Variants in ARG2 observed in about 807,000 individuals in gnomAD.
ARG2 encodes arginase-2, mitochondrial.
ARG2 carries 21 observed loss-of-function variants against 39.4 expected under a neutral mutation model. The observed-to-expected ratio is 0.53, with a 90% CI of 0.38 to 0.77. The LOEUF (loss-of-function observed/expected upper bound fraction) is 0.77, where lower values mean the gene tolerates loss of function less well. Among genes scored for constraint, ARG2 ranks in the 30% least tolerant of loss-of-function variants. The pLI, the probability that ARG2 is intolerant of heterozygous loss-of-function variation, is 0.00. For missense variants in ARG2, 378 were observed against 426.2 expected (o/e 0.89, Z 1.00); for synonymous variants, 150 against 156.7 (o/e 0.96, Z 0.32).
chr14:67,639,567 G>C (rs920864115), intron 2 of ARG2, among the ~76,000 whole-genome samples: 2 of 152,052 alleles, frequency 1.3e-5, no homozygotes, highest in Non-Finnish European at 2.9e-5. Context: ...GTGATTTAAG[G>C]AGAGTGCTGA....
Position 67,638,051 on chromosome 14 carries a change from A to T in ARG2, c.185-4135A>T, listed in dbSNP as rs562735658. Reference sequence around the variant, plus strand: ...TGGCAAAGTCCTAGGCATGAGAGCCACAAGCCAGGTCTCTGAATTACTGCA... The same window carrying T: ...TGGCAAAGTCCTAGGCATGAGAGCCTCAAGCCAGGTCTCTGAATTACTGCA... On this transcript the variant is annotated intron_variant, in intron 2 of 7. Coordinates refer to ENST00000261783, the MANE Select transcript of ARG2 (RefSeq NM_001172.4). 9.3e-4 allele frequency among the ~76,000 whole-genome samples: 142 copies of T among 152,326 alleles called. 2 individuals are homozygous for T. The South Asian group carries it at 0.028, about 30-fold the overall frequency.
Position 67,650,823 on chromosome 14 carries a change from T to G in ARG2, c.968T>G (p.Phe323Cys). 1 of 1,614,188 alleles carries G rather than the reference T, an allele frequency of 6.2e-7. No individual in the cohort carries two copies. The highest frequency in any genetic ancestry group is 8.5e-7 in the Non-Finnish European group (1 of 1,180,030). ...NLAVDVIASS[F>C]GQTREGGHIV... is the part of the protein sequence containing the mutation. ...GCAGTAGATGTGATTGCTTCAAGCTTTGGTCAGACAAGAGAAGGAGGGCAT... is the reference window on the plus strand; with the variant it reads ...GCAGTAGATGTGATTGCTTCAAGCTGTGGTCAGACAAGAGAAGGAGGGCAT... Residue 323 changes from phenylalanine (F) to cysteine (C), a missense_variant, in exon 8 of 8, where the codon TTT (phenylalanine) becomes TGT (cysteine). By Grantham distance (205) the Phe-to-Cys change is radical (BLOSUM62 -2). Transcript: ENST00000261783.
intron 2 of ARG2, among the ~76,000 whole-genome samples, chr14:67,626,388 GT>G (rs1299159362): frequency 6.6e-6 from 1 of 152,248 alleles, no homozygotes; most frequent in East Asian, 1.9e-4. Flanking sequence ...CACTACTGGT[GT>G]GAATGTAAAA....
chr14:67,651,442 T>A lies in ARG2; in HGVS notation c.*522T>A. ...GGCCTCCCAGGATGGCGAGCTCCAG[T>A]AAGATGATAATGGAAAGCAGCAGCT... On this transcript the variant is annotated 3_prime_UTR_variant, in exon 8 of 8. Transcript: ENST00000261783. The A allele has an allele frequency of 6.2e-7, 1 of 1,613,912 alleles. No individual in the cohort carries two copies. Among genetic ancestry groups the A allele is most frequent in the Non-Finnish European group, 8.5e-7 (1 of 1,179,838 alleles).
intron 1 of ARG2, 84 bp downstream of exon 1, chr14:67,620,172 G>C: frequency 1.0e-6 from 1 of 988,186 alleles, no homozygotes; most frequent in Non-Finnish European, 1.5e-6. Flanking sequence ...GCGGGGGACC[G>C]GGAGGCGAGG....
At chr14:67,620,824 T>G in intron 1 of ARG2, 70 bp from the exon 2 acceptor site, 1 of 1,530,544 alleles carries the variant, frequency 6.5e-7, no homozygotes, top group Admixed American at 1.7e-5. Context: ...TGCTGGGAAC[T>G]AAATGTACCA....
intron 2 of ARG2, among the ~76,000 whole-genome samples, chr14:67,631,156 T>C (rs1298996746): frequency 1.3e-5 from 2 of 152,184 alleles, no homozygotes; most frequent in Non-Finnish European, 2.9e-5. Context: ...TAGGTAGCCC[T>C]CTAGCTGTTG....
Position 67,651,451 on chromosome 14 carries a change from A to G in ARG2, c.*531A>G. The G allele has an allele frequency of 1.9e-6, 3 of 1,613,926 alleles. No individual in the cohort carries two copies. Among genetic ancestry groups the G allele is most frequent in the Middle Eastern group, 1.6e-4 (1 of 6,062 alleles). ...GGATGGCGAGCTCCAGTAAGATGAT[A>G]ATGGAAAGCAGCAGCTTGTTGGTTG... On this transcript the variant is annotated 3_prime_UTR_variant, in exon 8 of 8. Transcript: ENST00000261783.
intron 2 of ARG2, among the ~76,000 whole-genome samples, chr14:67,630,846 G>T (rs1312834430): frequency 6.6e-6 from 1 of 152,184 alleles, no homozygotes; most frequent in Non-Finnish European, 1.5e-5. Context: ...GCCTCCCAAA[G>T]TGCTGGGATT....
Position 67,620,975 on chromosome 14 carries a change from T to A in ARG2, c.184+9T>A, listed in dbSNP as rs1217859734. ...AAGGCTCTCCAGTTTGGGTAAGTGG[T>A]TAGATTTTTAGATATTAGTGCAGGA... On this transcript the variant is annotated intron_variant, in intron 2 of 7. Transcript: ENST00000261783. The A allele has an allele frequency of 9.9e-6, 16 of 1,613,038 alleles. No individual in the cohort carries two copies. Among genetic ancestry groups the A allele is most frequent in the Non-Finnish European group, 1.3e-5 (15 of 1,179,244 alleles).
intron 4 of ARG2, 77 bp from the exon 5 acceptor site, chr14:67,646,567 C>G (rs2037100697): frequency 8.5e-7 from 1 of 1,183,132 alleles, no homozygotes; most frequent in Non-Finnish European, 1.2e-6. Flanking sequence ...AGATTGCATA[C>G]CCACGGACGC....
intron 2 of ARG2, among the ~76,000 whole-genome samples, chr14:67,623,348 C>A (rs2036830697): frequency 6.6e-6 from 1 of 152,150 alleles, no homozygotes; most frequent in African/African-American, 2.4e-5. Flanking sequence ...AGGAGAGACT[C>A]ATGGAAAGGT....
At chr14:67,649,562 A>G (rs541677015) in intron 7 of ARG2, 1 of 152,296 alleles carries the variant, frequency 6.6e-6, no homozygotes, top group East Asian at 1.9e-4. Flanking sequence ...GGGATATGCT[A>G]AAGGTGCAGG....
chr14:67,643,563 C>T (rs2037059388), intron 3 of ARG2, among the ~76,000 whole-genome samples: 1 of 152,194 alleles, frequency 6.6e-6, no homozygotes, highest in Non-Finnish European at 1.5e-5. Context: ...GTGGTGCATG[C>T]CTGCAGGCCC....
intron 2 of ARG2, among the ~76,000 whole-genome samples, chr14:67,637,163 G>A (rs567212070): frequency 3.9e-5 from 6 of 151,988 alleles, no homozygotes; most frequent in East Asian, 3.9e-4. Context: ...TAATCCTAGC[G>A]CTTTGGGAGG....
At chr14:67,627,433 G>C (rs890722585) in intron 2 of ARG2, among the ~76,000 whole-genome samples, 7 of 151,966 alleles carry the variant, frequency 4.6e-5, no homozygotes, top group African/African-American at 1.7e-4. Flanking sequence ...CATGTCTGTT[G>C]ATAGATATCC....
intron 7 of ARG2, chr14:67,650,273 T>G (rs559985020): frequency 2.7e-4 from 59 of 216,524 alleles, no homozygotes; most frequent in African/African-American, 1.2e-3. Flanking sequence ...AAAGTGGGAA[T>G]GCAGTTTGGC....
chr14:67,640,686 CTA>C (rs2037020688), intron 2 of ARG2, among the ~76,000 whole-genome samples: 1 of 152,166 alleles, frequency 6.6e-6, no homozygotes. Context: ...AGAATATAAT[CTA>C]TGTCAATGTT....
Position 67,651,226 on chromosome 14 carries a change from G to A in ARG2, c.*306G>A. 1 of 1,396,976 alleles carries A rather than the reference G, an allele frequency of 7.2e-7. No homozygotes were observed. Among genetic ancestry groups the A allele is most frequent in the Non-Finnish European group, 9.6e-7 (1 of 1,046,370 alleles). 86.5% of individuals were successfully genotyped at this position (1,396,976 alleles called of 1,614,324 possible). A position where few individuals can be genotyped will look rare whatever the true frequency, so the allele number is the denominator to read the frequency against. On this transcript the variant is annotated 3_prime_UTR_variant, in exon 8 of 8. Transcript: ENST00000261783. ...GTTGCTGTTGTTCCTTCACATTTAA[G>A]TGGTTTTTCATCTTTCCTCCCTCCT...
Sources: gnomAD v4.1 joint callset for allele counts (sites outside exome capture counted in the v4.1 genomes callset) on GRCh38, gnomAD v4.1.1 for gene constraint, MANE v1.5 for transcripts, NCBI Gene and HGNC (gene_info 2026-07-23, HGNC 2026-07-21) for gene names.